VPS33A: variants seen among roughly 807,000 people sequenced by gnomAD.
The protein encoded by VPS33A is vacuolar protein sorting-associated protein 33A.
A neutral mutation model predicts 71.8 loss-of-function variants in VPS33A; 32 were observed. The ratio of observed to expected loss-of-function variants is 0.45; its 90% confidence interval spans 0.34 to 0.60. VPS33A has a LOEUF of 0.60. Among genes scored for constraint, VPS33A ranks in the 20% least tolerant of loss-of-function variants. The probability of loss-of-function intolerance (pLI) is 0.02; values close to 1 mark genes in which losing one functional copy is unlikely to be tolerated. For synonymous variants in VPS33A, 311 were observed against 292.7 expected (o/e 1.06, Z -0.64); for missense variants, 625 against 748.5 (o/e 0.84, Z 1.92).
chr12:122,261,558 T>C, intron 3 of VPS33A, 111 bp from the exon 4 acceptor site: 1 of 1,013,438 alleles, frequency 9.9e-7, no homozygotes, highest in South Asian at 1.4e-5. Context: ...AAATGCTGGC[T>C]AGATAAATCA....
rs980365695 is a variant in VPS33A, at chr12:122,261,785, G to A, written c.297-338C>T. Among the ~76,000 whole-genome samples, 9 of 152,070 alleles carry A rather than the reference G, an allele frequency of 5.9e-5. No individual in the cohort carries two copies. The East Asian group carries it at 7.7e-4, about 13-fold the overall frequency. On this transcript the variant is annotated intron_variant, in intron 3 of 12. Coordinates refer to ENST00000267199, the MANE Select transcript of VPS33A (RefSeq NM_022916.6). The stretch of plus-strand genomic sequence containing the variant: ...TGGGAGGCCGAGGCGAGCGGATCAC[G>A]AGAACAGGAGGTGGAGACCAACCTG...
At chr12:122,256,678 G>C (rs1179936196) in intron 4 of VPS33A, among the ~76,000 whole-genome samples, 1 of 151,776 alleles carries the variant, frequency 6.6e-6, no homozygotes, top group Non-Finnish European at 1.5e-5. Context: ...GGGTAAGTGT[G>C]ATTATGTTAA....
chr12:122,251,239 A>G (rs1954840064), intron 4 of VPS33A, 140 bp from the exon 5 acceptor site: 1 of 636,618 alleles, frequency 1.6e-6, no homozygotes, highest in South Asian at 2.0e-5. Flanking sequence ...TTGGGGACTC[A>G]AGTTCATTTT....
At chr12:122,263,044 G>C (rs992364481) in intron 3 of VPS33A, among the ~76,000 whole-genome samples, 1 of 147,716 alleles carries the variant, frequency 6.8e-6, no homozygotes, top group Non-Finnish European at 1.5e-5. Context: ...CCAGGCTGGA[G>C]TGCAGTGGCG....
intron 12 of VPS33A, 60 bp downstream of exon 12, chr12:122,232,740 A>G: frequency 6.4e-7 from 1 of 1,552,754 alleles, no homozygotes; most frequent in Non-Finnish European, 8.7e-7. Context: ...GCAACTGTAC[A>G]ATACCTGAAA....
intron 6 of VPS33A, among the ~76,000 whole-genome samples, chr12:122,247,864 TCTTTC>T (rs1399904928): frequency 1.3e-5 from 2 of 152,096 alleles, no homozygotes; most frequent in Non-Finnish European, 2.9e-5. Flanking sequence ...TTCCTTCCTT[TCTTTC>T]TTTTTAAATA....
intron 3 of VPS33A, among the ~76,000 whole-genome samples, chr12:122,262,424 A>T (rs568280611): frequency 6.6e-6 from 1 of 152,304 alleles, no homozygotes; most frequent in South Asian, 2.1e-4. Flanking sequence ...AAGAGTCTTA[A>T]ATTAAAATGA....
At chr12:122,258,482 A>G (rs1469137468) in intron 4 of VPS33A, among the ~76,000 whole-genome samples, 2 of 152,122 alleles carry the variant, frequency 1.3e-5, no homozygotes, top group Non-Finnish European at 2.9e-5. Context: ...TGCATTTAGA[A>G]TCTATTAAGA....
chr12:122,260,581 G>C (rs1022128009), intron 4 of VPS33A, among the ~76,000 whole-genome samples: 8 of 152,090 alleles, frequency 5.3e-5, no homozygotes, highest in African/African-American at 1.9e-4. Context: ...TTACAGGCAT[G>C]AGCCACTTAC....
chr12:122,260,457 A>C (rs1954978345), intron 4 of VPS33A, among the ~76,000 whole-genome samples: 1 of 150,708 alleles, frequency 6.6e-6, no homozygotes, highest in Non-Finnish European at 1.5e-5. Context: ...CCACCACCAC[A>C]CCCGGTTAAT....
intron 4 of VPS33A, among the ~76,000 whole-genome samples, chr12:122,251,312 G>A (rs1291403314): frequency 6.6e-6 from 1 of 152,206 alleles, no homozygotes; most frequent in African/African-American, 2.4e-5. Flanking sequence ...GTGCAGCCGT[G>A]GAAGCACCTC....
chr12:122,250,599 C>A (rs1954829971), intron 5 of VPS33A, among the ~76,000 whole-genome samples: 1 of 152,298 alleles, frequency 6.6e-6, no homozygotes, highest in South Asian at 2.1e-4. Context: ...CCCGACTGCA[C>A]CTCAGTCCTA....
At chr12:122,262,882 A>G (rs1009278568) in intron 3 of VPS33A, among the ~76,000 whole-genome samples, 1 of 151,828 alleles carries the variant, frequency 6.6e-6, no homozygotes, top group Non-Finnish European at 1.5e-5. Context: ...GGGGTCCATG[A>G]GATGTTTTGA....
At chr12:122,243,260 T>C (rs1266386529) in intron 7 of VPS33A, among the ~76,000 whole-genome samples, 2 of 152,226 alleles carry the variant, frequency 1.3e-5, no homozygotes, top group Non-Finnish European at 2.9e-5. Flanking sequence ...AGTCTTTTAT[T>C]TGATGTTGAG....
intron 4 of VPS33A, among the ~76,000 whole-genome samples, chr12:122,252,153 A>C (rs1954853456): frequency 6.6e-6 from 1 of 152,030 alleles, no homozygotes; most frequent in South Asian, 2.1e-4. Context: ...GCTACTCAGG[A>C]GGGTAAGGCA....
At chr12:122,247,606 C>T (rs79953351) in intron 6 of VPS33A, among the ~76,000 whole-genome samples, 7,570 of 152,238 alleles carry the variant, frequency 0.05, 630 homozygotes, top group African/African-American at 0.17. Context: ...CCGTCACCCA[C>T]GTCATTCATT....
At chr12:122,254,495 T>C (rs1954889305) in intron 4 of VPS33A, among the ~76,000 whole-genome samples, 1 of 146,960 alleles carries the variant, frequency 6.8e-6, no homozygotes, top group Non-Finnish European at 1.5e-5. Context: ...CCCTGCCTCC[T>C]GGGCTCAAGT....
Position 122,266,448 on chromosome 12 carries a change from C to G in VPS33A, c.-40G>C. 1 of 1,589,234 alleles carries G rather than the reference C, an allele frequency of 6.3e-7. No individual in the cohort carries two copies. On this transcript the variant is annotated 5_prime_UTR_variant, in exon 1 of 13. Transcript: ENST00000267199. ...CCCTGCCCCACAACGCCAACCGAGT[C>G]CGCCGGTTCCTACGGGAGGACCACG...
intron 1 of VPS33A, 36 bp downstream of exon 1, chr12:122,266,271 G>A (rs747343899): frequency 6.2e-7 from 1 of 1,602,594 alleles, no homozygotes; most frequent in South Asian, 1.1e-5. Context: ...CGGACCAGGG[G>A]AGGCGAGGGC....
Sources: allele counts gnomAD v4.1 joint callset (sites outside exome capture counted in the v4.1 genomes callset), GRCh38; gene constraint gnomAD v4.1.1; transcripts MANE v1.5; gene names NCBI Gene and HGNC (gene_info 2026-07-23, HGNC 2026-07-21).